Variants in GRIN2B observed in about 807,000 individuals in gnomAD.
GRIN2B encodes glutamate ionotropic receptor NMDA type subunit 2B, also known as glutamate receptor ionotropic, NMDA 2B.
In GRIN2B, 5 loss-of-function variants were observed where a neutral mutation model predicts 114.5. The observed-to-expected ratio is 0.04, with a 90% CI of 0.02 to 0.09. The LOEUF is 0.09. Among genes scored for constraint, GRIN2B ranks in the 10% least tolerant of loss-of-function variants. The pLI, the probability that GRIN2B is intolerant of heterozygous loss-of-function variation, is 1.00. For missense variants in GRIN2B, 1,108 were observed against 1,943.5 expected (o/e 0.57, Z 8.08); for synonymous variants, 787 against 745.1 (o/e 1.06, Z -0.92).
chr12:13,900,747 T>G (rs983004291), intron 2 of GRIN2B, among the ~76,000 whole-genome samples: 11 of 152,184 alleles, frequency 7.2e-5, no homozygotes, highest in African/African-American at 2.7e-4. Context: ...TTGTTTGTTT[T>G]AGAACATTAC....
chr12:13,881,341 G>A (rs777348553), intron 2 of GRIN2B, among the ~76,000 whole-genome samples: 13 of 151,934 alleles, frequency 8.6e-5, no homozygotes, highest in Admixed American at 7.2e-4. Flanking sequence ...GGTCTCCTTC[G>A]GCACCTCTTC....
chr12:13,729,014 C>T (rs1302249074), intron 4 of GRIN2B, among the ~76,000 whole-genome samples: 1 of 152,202 alleles, frequency 6.6e-6, no homozygotes, highest in African/African-American at 2.4e-5. Flanking sequence ...TCTTCTCACA[C>T]AAATCACACA....
At chr12:13,976,371 T>G (rs1402730223) in intron 2 of GRIN2B, among the ~76,000 whole-genome samples, 1 of 152,242 alleles carries the variant, frequency 6.6e-6, no homozygotes, top group Non-Finnish European at 1.5e-5. Context: ...TGTAGTTTAC[T>G]GAAAGGAAGA....
chr12:13,843,219 C>T (rs980234900), intron 3 of GRIN2B, among the ~76,000 whole-genome samples: 7 of 150,992 alleles, frequency 4.6e-5, no homozygotes, highest in African/African-American at 1.7e-4. Flanking sequence ...CTCCTGAATC[C>T]CCATACACAT....
intron 3 of GRIN2B, among the ~76,000 whole-genome samples, chr12:13,769,755 A>G (rs533289989): frequency 1.1e-4 from 17 of 152,212 alleles, no homozygotes; most frequent in Non-Finnish European, 1.3e-4. Context: ...GTGCCCCCCA[A>G]ATAATAAATA....
intron 4 of GRIN2B, among the ~76,000 whole-genome samples, chr12:13,715,979 T>A (rs1418542330): frequency 6.6e-6 from 1 of 151,930 alleles, no homozygotes; most frequent in African/African-American, 2.4e-5. Flanking sequence ...AATATCTATT[T>A]ACAAATCATT....
chr12:13,648,246 GA>G (rs1188100243), intron 5 of GRIN2B, among the ~76,000 whole-genome samples: 2 of 152,034 alleles, frequency 1.3e-5, no homozygotes, highest in African/African-American at 4.8e-5. Flanking sequence ...ACGGACAGTT[GA>G]GAACTTATTC....
intron 2 of GRIN2B, among the ~76,000 whole-genome samples, chr12:13,951,961 A>G (rs1350740858): frequency 1.3e-5 from 2 of 152,216 alleles, no homozygotes; most frequent in Non-Finnish European, 2.9e-5. Context: ...AGATTAATAC[A>G]TTTATCTGTA....
chr12:13,948,506 A>G (rs1867409158), intron 2 of GRIN2B, among the ~76,000 whole-genome samples: 1 of 151,976 alleles, frequency 6.6e-6, no homozygotes, highest in Non-Finnish European at 1.5e-5. Flanking sequence ...TCTCAAATTC[A>G]TTTTTGCCAG....
chr12:13,800,492 G>A (rs923156137), intron 3 of GRIN2B, among the ~76,000 whole-genome samples: 2 of 152,080 alleles, frequency 1.3e-5, no homozygotes, highest in African/African-American at 4.8e-5. Flanking sequence ...TGTCTCTCCT[G>A]ATTATTTTCT....
chr12:13,745,578 C>A (rs1356624509), intron 4 of GRIN2B, among the ~76,000 whole-genome samples: 14 of 152,214 alleles, frequency 9.2e-5, no homozygotes, highest in Admixed American at 9.2e-4. Context: ...GCCTGCCCAG[C>A]CTCCAACAGA....
At chr12:13,703,357 T>C (rs775352795) in intron 4 of GRIN2B, among the ~76,000 whole-genome samples, 3 of 152,172 alleles carry the variant, frequency 2.0e-5, no homozygotes, top group Non-Finnish European at 4.4e-5. Flanking sequence ...CTCACAACTT[T>C]ATATTTTTTA....
At chr12:13,704,800 C>T (rs1383631559) in intron 4 of GRIN2B, among the ~76,000 whole-genome samples, 3 of 152,164 alleles carry the variant, frequency 2.0e-5, no homozygotes, top group African/African-American at 2.4e-5. Context: ...TTGCCTGAGG[C>T]ATTGTCAAAG....
At chr12:13,754,123 G>A (rs1197662951) in intron 3 of GRIN2B, among the ~76,000 whole-genome samples, 1 of 152,072 alleles carries the variant, frequency 6.6e-6, no homozygotes, top group Non-Finnish European at 1.5e-5. Context: ...TTGTCTCCTA[G>A]ACTTTACAGA....
In GRIN2B at chr12:13,547,981, A is replaced by ATATTT; in HGVS notation, c.*14801_*14802insAAATA. 1,130 of 68,566 alleles carry ATATTT rather than the reference A, an allele frequency of 0.016. 41 individuals are homozygous for ATATTT. The highest frequency in any genetic ancestry group is 0.031 in the Middle Eastern group (4 of 130). 4.2% of individuals were successfully genotyped at this position (68,566 alleles called of 1,614,324 possible). On this transcript the variant is annotated 3_prime_UTR_variant, in exon 14 of 14. Coordinates refer to ENST00000609686, the MANE Select transcript of GRIN2B (RefSeq NM_000834.5). ...TGTGTATATATATATATATATATAT[A>ATATTT]TTTTTTTTTTTTTTCTGAAAGCTAC...
chr12:13,655,338 G>C (rs1949852789), intron 5 of GRIN2B, among the ~76,000 whole-genome samples: 1 of 152,150 alleles, frequency 6.6e-6, no homozygotes. Context: ...CAGTCATGAT[G>C]ATACTCAAGC....
At chr12:13,573,515 T>C (rs182255464) in intron 10 of GRIN2B, among the ~76,000 whole-genome samples, 1 of 134,224 alleles carries the variant, frequency 7.5e-6, no homozygotes, top group East Asian at 1.9e-4. Context: ...TCTCTTATAT[T>C]ATTTTTAATT....
At chr12:13,724,193 T>A (rs1479424607) in intron 4 of GRIN2B, among the ~76,000 whole-genome samples, 1 of 152,090 alleles carries the variant, frequency 6.6e-6, no homozygotes, top group Admixed American at 6.6e-5. Flanking sequence ...CTCTCTGTAG[T>A]CCCTACAGGC....
chr12:13,610,243 T>G (rs909239414), intron 9 of GRIN2B, among the ~76,000 whole-genome samples: 14 of 152,196 alleles, frequency 9.2e-5, no homozygotes, highest in African/African-American at 3.4e-4. Flanking sequence ...TGTAAAATGC[T>G]CTAAGGAGAC....
Sources: allele counts gnomAD v4.1 joint callset (sites outside exome capture counted in the v4.1 genomes callset), GRCh38; gene constraint gnomAD v4.1.1; transcripts MANE v1.5; gene names NCBI Gene and HGNC (gene_info 2026-07-23, HGNC 2026-07-21).